The following RPL3L variants were observed in gnomAD, a reference collection of about 807,000 sequenced individuals.
RPL3L encodes ribosomal protein uL3-like.
Under a neutral mutation model 44.5 loss-of-function variants are expected in RPL3L, and 44 were observed. That is an observed-to-expected ratio of 0.99 (90% confidence interval 0.78 to 1.27). The LOEUF (loss-of-function observed/expected upper bound fraction) is 1.27. Among genes scored for constraint, RPL3L ranks in the 50% most tolerant of loss-of-function variants. The probability of loss-of-function intolerance (pLI) is 0.00; values close to 1 mark genes in which losing one functional copy is unlikely to be tolerated. For synonymous variants in RPL3L, 292 were observed against 230.7 expected, an observed-to-expected ratio of 1.27 and a Z score of -2.41; for missense variants, 631 against 569.1, an observed-to-expected ratio of 1.11 and a Z score of -1.11.
At chr16:1,953,500 G>A (rs1009209345) in intron 2 of RPL3L, among the ~76,000 whole-genome samples, 13 of 152,298 alleles carry the variant, frequency 8.5e-5, no homozygotes, top group East Asian at 3.9e-4. Flanking sequence ...GATTACAGGC[G>A]TGAGCCACCA....
Position 1,954,108 on chromosome 16 carries a change from C to G in RPL3L, c.44G>C (p.Gly15Ala), listed in dbSNP as rs1259699736. ...GTGGCTCCTCTTATGGGGCAGGAAGCCCAGGTGTCCGTGCCGAGGGGCGGA... is the reference window on the plus strand; with the variant it reads ...GTGGCTCCTCTTATGGGGCAGGAAGGCCAGGTGTCCGTGCCGAGGGGCGGA... ...KFSAPRHGHLGFLPHKRSHRH... is the reference protein window; with the variant it reads ...KFSAPRHGHLAFLPHKRSHRH... The change falls in exon 2 of 10, where the codon GGC becomes GCC. Residue 15 changes from glycine (G) to alanine (A), a missense_variant. By Grantham distance (60) the Gly-to-Ala change is moderately conservative. Transcript: ENST00000268661. The G allele has an allele frequency of 6.2e-7, 1 of 1,600,354 alleles. No individual in the cohort carries two copies. The highest frequency in any genetic ancestry group is 1.3e-5 in the African/African-American group (1 of 74,720).
intron 4 of RPL3L, among the ~76,000 whole-genome samples, chr16:1,947,661 G>C (rs763352322): frequency 3.2e-4 from 48 of 152,312 alleles, no homozygotes; most frequent in Non-Finnish European, 5.7e-4. Flanking sequence ...GGCTATGGGG[G>C]CTGGTGTTTC....
In RPL3L at chr16:1,946,928, G is replaced by A; in HGVS notation, c.849+10C>T. The A allele has an allele frequency of 6.3e-7, 1 of 1,593,872 alleles. No homozygotes were observed. ...CACACAGTGTCCCCGTACCCCGGCT[G>A]AGGACGCACCTTCTTGTTGAGCTCC... On this transcript the variant is annotated intron_variant, in intron 6 of 9. Transcript: ENST00000268661.
At chr16:1,952,736 C>T in intron 3 of RPL3L, 138 bp downstream of exon 3, 2 of 973,778 alleles carry the variant, frequency 2.1e-6, no homozygotes, top group Admixed American at 4.7e-5. Context: ...CACACAGACA[C>T]TCCTACCTCC....
Position 1,947,210 on chromosome 16 carries a change from C to T in RPL3L, c.672G>A (p.Lys224=), listed in dbSNP as rs1449588075. ...GAGCCCTACCTTTGACGCCTCGACC[C>T]TTGGTGACAGCAATGACATCAATGA... ...SEVIDVIAVT[K]GRGVKGVTSR... is the part of the protein sequence containing the mutation. Residue 224 remains lysine, a synonymous_variant, in exon 5 of 10, where the codon AAG becomes AAA. Coordinates refer to ENST00000268661, the MANE Select transcript of RPL3L (RefSeq NM_005061.3). 1.2e-6 allele frequency: 2 copies of T among 1,612,934 alleles called. No homozygotes were observed. The highest frequency in any genetic ancestry group is 1.3e-5 in the African/African-American group (1 of 75,030).
intron 4 of RPL3L, among the ~76,000 whole-genome samples, chr16:1,949,912 T>G (rs1377460408): frequency 3.7e-4 from 6 of 16,420 alleles, no homozygotes; most frequent in Non-Finnish European, 5.3e-4. Flanking sequence ...GGCAGGTATG[T>G]AGGGGGCAGG....
chr16:1,947,015 G>C lies in RPL3L; in HGVS notation c.772C>G (p.His258Asp). 1.2e-6 allele frequency: 2 copies of C among 1,612,190 alleles called. No homozygotes were observed. The highest frequency in any genetic ancestry group is 1.7e-6 in the Non-Finnish European group (2 of 1,179,724). ...ATGGAGCAGCCCACGCGGGCGGGGT[G>C]CCAGGCGCCAATGCAGGCCACCTTG... ...LRKVACIGAW[H>D]PARVGCSIAR... Residue 258 changes from histidine (H) to aspartate (D), a missense_variant, in exon 6 of 10, where the codon CAC becomes GAC. Transcript: ENST00000268661.
At chr16:1,949,612 G>A (rs1271615074) in intron 4 of RPL3L, among the ~76,000 whole-genome samples, 1 of 146,164 alleles carries the variant, frequency 6.8e-6, no homozygotes, top group Non-Finnish European at 1.5e-5. Flanking sequence ...AGCACAGGCT[G>A]TGCAATGTAG....
intron 2 of RPL3L, among the ~76,000 whole-genome samples, chr16:1,953,717 G>A (rs768842140): frequency 5.9e-5 from 9 of 152,206 alleles, no homozygotes; most frequent in African/African-American, 1.4e-4. Context: ...TTACCGCCCC[G>A]GTGACTGGAC....
In RPL3L at chr16:1,948,438, T is replaced by C. The variant is rs185133987; in HGVS notation, c.502-1058A>G. Reference sequence around the variant, plus strand: ...TTGGGGTTTCCCATGTTGGCCAGGCTGGTTTCAAACTCCTGACTTCAAGCG... The same window carrying C: ...TTGGGGTTTCCCATGTTGGCCAGGCCGGTTTCAAACTCCTGACTTCAAGCG... On this transcript the variant is annotated intron_variant, in intron 4 of 9. Coordinates refer to ENST00000268661, the MANE Select transcript of RPL3L (RefSeq NM_005061.3). Among the ~76,000 whole-genome samples the C allele has an allele frequency of 3.0e-3, 462 of 152,176 alleles. 3 individuals carry two copies. Among genetic ancestry groups the C allele is most frequent in the African/African-American group, 0.01 (419 of 41,496 alleles).
Position 1,950,891 on chromosome 16 carries a change from C to T in RPL3L, c.454G>A (p.Ala152Thr), listed in dbSNP as rs555349951. 17 of 1,613,940 alleles carry T rather than the reference C, an allele frequency of 1.1e-5. No individual in the cohort carries two copies. The highest frequency in any genetic ancestry group is 4.0e-5 in the African/African-American group (3 of 74,882). Residue 152 changes from alanine to threonine, a missense_variant, in exon 4 of 10, where the codon GCC becomes ACC. Physicochemically the swap from Ala to Thr is moderately conservative, Grantham distance 58 (BLOSUM62 0). Transcript: ENST00000268661. The part of the protein sequence containing the change: ...GKKQLQKDFA[A>T]MKKYCKVIRV... ...ATGACCTTGCAGTACTTCTTCATGG[C>T]GGCGAAGTCCTTCTGTAGCTGCTTT...
Position 1,953,010 on chromosome 16 carries a change from T to G in RPL3L, c.229A>C (p.Thr77Pro), listed in dbSNP as rs1301755593. Reference sequence around the variant, plus strand: ...ACTAGGGGCGGCGTTTCTACAATTGTCACCGCCTCCACCTCCTCCCGTTTG... The same window carrying G: ...ACTAGGGGCGGCGTTTCTACAATTGGCACCGCCTCCACCTCCTCCCGTTTG... ...ISKREEVEAV[T>P]IVETPPLVVV... Residue 77 changes from threonine (T) to proline (P), a missense_variant, in exon 3 of 10, where the codon ACA becomes CCA. Coordinates refer to ENST00000268661, the MANE Select transcript of RPL3L (RefSeq NM_005061.3). 6.2e-7 allele frequency: 1 copy of G among 1,607,590 alleles called. No individual in the cohort carries two copies.
chr16:1,944,604 T>C lies in RPL3L; in HGVS notation c.*233A>G, dbSNP rs2083106234. The C allele has an allele frequency of 2.3e-6, 1 of 428,430 alleles. No individual in the cohort carries two copies. Among genetic ancestry groups the C allele is most frequent in the Non-Finnish European group, 4.3e-6 (1 of 233,846 alleles). The allele number at this position is 428,430 out of a possible 1,614,324, so 26.5% of individuals were successfully genotyped here. A position where few individuals can be genotyped will look rare whatever the true frequency, so the allele number is the denominator to read the frequency against. On this transcript the variant is annotated 3_prime_UTR_variant, in exon 10 of 10. Transcript: ENST00000268661. ...TGCTCAAAGAGATCGATTTGAGTAA[T>C]AATAAAACATAAAACTCCGGTCTCC...
At position 1,945,484 on chromosome 16, in the gene RPL3L, G is replaced by A; in HGVS notation, c.1167+15C>T. 6.2e-7 allele frequency: 1 copy of A among 1,602,808 alleles called. No homozygotes were observed. On this transcript the variant is annotated intron_variant, in intron 9 of 9. Coordinates refer to ENST00000268661, the MANE Select transcript of RPL3L (RefSeq NM_005061.3). The stretch of plus-strand genomic sequence containing the variant: ...GAGCCCCAGAGAAGAACAAGGATGG[G>A]GGCGGTGAGCTCACCATGAAGGCCC...
rs751633568 is a variant in RPL3L at position 1,954,026 on chromosome 16, G to A, written c.126C>T (p.His42=). Residue 42 remains histidine, a synonymous_variant, in exon 2 of 10, where the codon CAC becomes CAT. Coordinates refer to ENST00000268661, the MANE Select transcript of RPL3L (RefSeq NM_005061.3). ...WPRDDPSQPV[H]LTAFLGYKAG... ...CCTTGTAGCCCAGGAAGGCCGTGAG[G>A]TGCACGGGCTGGCTGGGGTCATCCC... 2 of 1,607,292 alleles carry A rather than the reference G, an allele frequency of 1.2e-6. No homozygotes were observed. Among genetic ancestry groups the A allele is most frequent in the South Asian group, 2.2e-5 (2 of 90,088 alleles).
chr16:1,946,724 G>A lies in RPL3L; in HGVS notation c.852C>T (p.Ile284=). The A allele has an allele frequency of 2.5e-6, 4 of 1,612,400 alleles. No homozygotes were observed. Residue 284 remains isoleucine, a splice_region_variant and synonymous_variant, in exon 7 of 10, where the codon ATC becomes ATT. Transcript: ENST00000268661. The part of the protein sequence containing the change: ...YHHRTELNKK[I]FRIGRGPHME... ...TGTGCGGGCCCCTGCCGATGCGGAA[G>A]ATCTGCCAGAAGGGGGCACATGCCA... is the stretch of plus-strand genomic sequence containing the variant.
At chr16:1,950,124 G>A (rs1166102745) in intron 4 of RPL3L, among the ~76,000 whole-genome samples, 2 of 107,858 alleles carry the variant, frequency 1.9e-5, no homozygotes, top group African/African-American at 7.4e-5. Flanking sequence ...CAGGTATGTA[G>A]GGGGCAGGTA....
In RPL3L at chr16:1,944,996, C is replaced by CG. The variant is rs1031892008; in HGVS notation, c.1168-104_1168-103insC. On this transcript the variant is annotated intron_variant, in intron 9 of 9. Transcript: ENST00000268661. ...CACTCAGGGCCGGCCCTACTGCCCC[C>CG]CTAAGGCTGCTTCCTCCCCCACCTT... is the stretch of plus-strand genomic sequence containing the variant. 1.1e-5 allele frequency: 15 copies of CG among 1,419,492 alleles called. No homozygotes were observed. In the African/African-American group the frequency reaches 1.3e-4, roughly 12 times the overall value. The allele number at this position is 1,419,492 out of a possible 1,614,324, so 87.9% of individuals were successfully genotyped here. A position where few individuals can be genotyped will look rare whatever the true frequency, so the allele number is the denominator to read the frequency against.
chr16:1,946,987 G>T lies in RPL3L; in HGVS notation c.800C>A (p.Ala267Asp). 1 of 1,610,796 alleles carries T rather than the reference G, an allele frequency of 6.2e-7. No homozygotes were observed. Among genetic ancestry groups the T allele is most frequent in the Non-Finnish European group, 8.5e-7 (1 of 1,179,226 alleles). ...WHPARVGCSI[A>D]RAGQKGYHHR... ...GTGATAGCCCTTCTGCCCGGCCCGA[G>T]CAATGGAGCAGCCCACGCGGGCGGG... The change falls in exon 6 of 10, where the codon GCT becomes GAT. Residue 267 changes from alanine to aspartate, a missense_variant. Ala to Asp is a moderately radical substitution (Grantham distance 126, BLOSUM62 -2). Coordinates refer to ENST00000268661, the MANE Select transcript of RPL3L (RefSeq NM_005061.3).
Sources: allele counts gnomAD v4.1 joint callset (sites outside exome capture counted in the v4.1 genomes callset), GRCh38; gene constraint gnomAD v4.1.1; transcripts MANE v1.5; gene names NCBI Gene and HGNC (gene_info 2026-07-23, HGNC 2026-07-21).